The following BMI1 variants were observed in gnomAD, a reference collection of about 807,000 sequenced individuals.
BMI1 encodes the protein BMI1 proto-oncogene, polycomb ring finger.
A neutral mutation model predicts 39.1 loss-of-function variants in BMI1; 9 were observed. That is an observed-to-expected ratio of 0.23 (90% CI 0.14 to 0.40). BMI1 has a LOEUF of 0.40. Among genes scored for constraint, BMI1 ranks in the 10% least tolerant of loss-of-function variants. The probability of loss-of-function intolerance (pLI) is 1.00; values close to 1 mark genes in which losing one functional copy is unlikely to be tolerated. For missense variants in BMI1, 252 were observed against 390.8 expected (o/e 0.64, Z 2.99); for synonymous variants, 131 against 127.9 (o/e 1.02, Z -0.16).
chr10:22,323,608 G>C (rs1217626664), intron 1 of BMI1, among the ~76,000 whole-genome samples: 1 of 152,226 alleles, frequency 6.6e-6, no homozygotes, highest in Non-Finnish European at 1.5e-5. Flanking sequence ...GCATTTCTTA[G>C]ATTGCAGTAG....
chr10:22,329,735 G>A lies in BMI1; in HGVS notation c.*193G>A, dbSNP rs1836243238. ...TGGACGTTAATTGAAAAGAAAGATT[G>A]TTGTTATAAAGAATTGGTTTCTTGG... On this transcript the variant is annotated 3_prime_UTR_variant, in exon 10 of 10. Transcript: ENST00000376663. 9.0e-6 allele frequency: 6 copies of A among 663,612 alleles called. No individual in the cohort carries two copies. The highest frequency in any genetic ancestry group is 4.3e-4 in the Middle Eastern group (1 of 2,346). 41.1% of individuals were successfully genotyped at this position (663,612 alleles called of 1,614,324 possible).
chr10:22,323,740 C>T (rs1227219910), intron 1 of BMI1, among the ~76,000 whole-genome samples: 1 of 152,196 alleles, frequency 6.6e-6, no homozygotes, highest in Non-Finnish European at 1.5e-5. Context: ...CAAGTTTTAA[C>T]GGTTGAGTAT....
intron 1 of BMI1, 95 bp from the exon 2 acceptor site, chr10:22,326,327 AGTGTTAAAT>A: frequency 6.8e-7 from 1 of 1,473,578 alleles, no homozygotes; most frequent in Non-Finnish European, 9.1e-7. Context: ...CCAGCTGTAC[AGTGTTAAAT>A]GAGTTTTATA....
In BMI1 at chr10:22,330,083, C is replaced by T. The variant is rs1367477212; in HGVS notation, c.*541C>T. 1 of 153,266 alleles carries T rather than the reference C, an allele frequency of 6.5e-6. No homozygotes were observed. The highest frequency in any genetic ancestry group is 1.5e-5 in the Non-Finnish European group (1 of 68,532). The allele number at this position is 153,266 out of a possible 1,614,324, so 9.5% of individuals were successfully genotyped here. On this transcript the variant is annotated 3_prime_UTR_variant, in exon 10 of 10. Coordinates refer to ENST00000376663, the MANE Select transcript of BMI1 (RefSeq NM_005180.9). ...TTTGATTCCTGTTTGATTTATACTTCTCTGTTGCTACGCAAAACCGATCAA... is the reference window on the plus strand; with the variant it reads ...TTTGATTCCTGTTTGATTTATACTTTTCTGTTGCTACGCAAAACCGATCAA...
Position 22,329,797 on chromosome 10 carries a change from T to C in BMI1, c.*255T>C, listed in dbSNP as rs1252880440. 5 of 456,038 alleles carry C rather than the reference T, an allele frequency of 1.1e-5. No individual in the cohort carries two copies. In the East Asian group the frequency reaches 2.0e-4, roughly 18 times the overall value. 28.2% of individuals were successfully genotyped at this position (456,038 alleles called of 1,614,324 possible). A position where few individuals can be genotyped will look rare whatever the true frequency, so the allele number is the denominator to read the frequency against. ...GACTTTTTCTCTGTGTTAGGAAAGA[T>C]GGGAAATGGTTTCTGTAACCATTGT... On this transcript the variant is annotated 3_prime_UTR_variant, in exon 10 of 10. Coordinates refer to ENST00000376663, the MANE Select transcript of BMI1 (RefSeq NM_005180.9).
In BMI1 at chr10:22,329,774, C is replaced by CT. The variant is rs912778379; in HGVS notation, c.*237dup. On this transcript the variant is annotated 3_prime_UTR_variant, in exon 10 of 10. Coordinates refer to ENST00000376663, the MANE Select transcript of BMI1 (RefSeq NM_005180.9). Reference sequence around the variant, plus strand: ...TTGGTTTCTTGGAAAGCAGGCAAGACTTTTTCTCTGTGTTAGGAAAGATGG... The same window carrying CT: ...TTGGTTTCTTGGAAAGCAGGCAAGACTTTTTTCTCTGTGTTAGGAAAGATGG... 8 of 536,798 alleles carry CT rather than the reference C, an allele frequency of 1.5e-5. No homozygotes were observed. The highest frequency in any genetic ancestry group is 2.6e-5 in the Non-Finnish European group (8 of 312,440). 33.3% of individuals were successfully genotyped at this position (536,798 alleles called of 1,614,324 possible).
At chr10:22,321,962 C>T (rs1052468067) in intron 1 of BMI1, 1 of 145,118 alleles carries the variant, frequency 6.9e-6, no homozygotes, top group Non-Finnish European at 1.5e-5. Flanking sequence ...ACCCGCAGCC[C>T]GCGCCGCGCC....
intron 1 of BMI1, among the ~76,000 whole-genome samples, chr10:22,325,210 GA>G (rs1251579558): frequency 6.6e-6 from 1 of 152,184 alleles, no homozygotes; most frequent in Non-Finnish European, 1.5e-5. Context: ...ATTAGAGAAG[GA>G]AGTTTTAAAG....
chr10:22,326,300 A>G (rs1053206579), intron 1 of BMI1, 131 bp from the exon 2 acceptor site: 1 of 1,273,704 alleles, frequency 7.9e-7, no homozygotes, highest in South Asian at 1.5e-5. Context: ...TTCCTTCTGT[A>G]GAAACGTTAG....
intron 1 of BMI1, among the ~76,000 whole-genome samples, chr10:22,324,944 G>A (rs1265724739): frequency 6.6e-6 from 1 of 152,146 alleles, no homozygotes; most frequent in Non-Finnish European, 1.5e-5. Flanking sequence ...TCGTATGGGG[G>A]GTTTTACATT....
chr10:22,328,215 ATTGT>A (rs1213711041), intron 7 of BMI1, 36 bp downstream of exon 7: 8 of 1,568,750 alleles, frequency 5.1e-6, no homozygotes, highest in African/African-American at 4.1e-5. Flanking sequence ...TAGAAGAAAC[ATTGT>A]TTGGAATCCA....
intron 8 of BMI1, 55 bp downstream of exon 8, chr10:22,328,753 C>T: frequency 1.3e-6 from 2 of 1,498,318 alleles, no homozygotes; most frequent in East Asian, 2.4e-5. Context: ...ATTTTAATTA[C>T]ATTTTTCACT....
At chr10:22,327,458 T>C in intron 3 of BMI1, 137 bp from the exon 4 acceptor site, 2 of 884,804 alleles carry the variant, frequency 2.3e-6, no homozygotes, top group Non-Finnish European at 3.3e-6. Context: ...TCATAGTTTT[T>C]ATCTTATCAA....
Position 22,326,979 on chromosome 10 carries a change from A to C in BMI1, c.202A>C (p.Asn68His), listed in dbSNP as rs1203399014. 5.6e-6 allele frequency: 9 copies of C among 1,613,538 alleles called. No homozygotes were observed. Residue 68 changes from asparagine to histidine, a missense_variant, in exon 3 of 10, where the codon AAT (asparagine) becomes CAT (histidine). Coordinates refer to ENST00000376663, the MANE Select transcript of BMI1 (RefSeq NM_005180.9). Reference sequence around the variant, plus strand: ...AGTTCACAAGACCAGACCACTACTGAATATAAGGTAGGAAACTGTTGAAAT... The same window carrying C: ...AGTTCACAAGACCAGACCACTACTGCATATAAGGTAGGAAACTGTTGAAAT... ...VQVHKTRPLL[N>H]IRSDKTLQDI...
Position 22,326,482 on chromosome 10 carries a change from G to A in BMI1, c.33G>A (p.Glu11=), listed in dbSNP as rs764236302. Residue 11 remains glutamate (E), a synonymous_variant, in exon 2 of 10, where the codon GAG becomes GAA. Transcript: ENST00000376663. MHRTTRIKIT[E]LNPHLMCVLC... is the part of the protein sequence containing the mutation. The stretch of plus-strand genomic sequence containing the variant: ...GAACAACGAGAATCAAGATCACTGA[G>A]CTAAATCCCCACCTGATGTGTGTGC... 1.9e-6 allele frequency: 3 copies of A among 1,613,992 alleles called. No homozygotes were observed. The highest frequency in any genetic ancestry group is 2.5e-6 in the Non-Finnish European group (3 of 1,180,022).
chr10:22,326,583 T>G, intron 2 of BMI1, 22 bp downstream of exon 2: 1 of 1,608,662 alleles, frequency 6.2e-7, no homozygotes, highest in Non-Finnish European at 8.5e-7. Flanking sequence ...GCTTTAGCTC[T>G]CTTTTGTATC....
chr10:22,325,806 G>T (rs1836133370), intron 1 of BMI1: 1 of 151,970 alleles, frequency 6.6e-6, no homozygotes, highest in Non-Finnish European at 1.5e-5. Flanking sequence ...CGCCGGATCC[G>T]CCCCTCGCAT....
Position 22,328,010 on chromosome 10 carries a change from C to T in BMI1, c.377C>T (p.Thr126Ile). The T allele has an allele frequency of 6.2e-7, 1 of 1,611,200 alleles. No individual in the cohort carries two copies. Among genetic ancestry groups the T allele is most frequent in the African/African-American group, 1.3e-5 (1 of 74,892 alleles). ...EVADEDKRII[T>I]DDEIISLSIE... ...GCAGATGAAGATAAGAGAATTATAA[C>T]TGATGATGAGATAATAAGCTTATCC... The change falls in exon 6 of 10, where the codon ACT (threonine) becomes ATT (isoleucine). Residue 126 changes from threonine to isoleucine, a missense_variant. Physicochemically the swap from Thr to Ile is moderately conservative, Grantham distance 89. This residue lies in a region of BMI1 where 67 missense variants were observed against 69.9 expected (regional missense o/e 0.96). Coordinates refer to ENST00000376663, the MANE Select transcript of BMI1 (RefSeq NM_005180.9).
intron 8 of BMI1, 113 bp downstream of exon 8, chr10:22,328,811 T>C: frequency 8.6e-7 from 1 of 1,166,572 alleles, no homozygotes; most frequent in Non-Finnish European, 1.2e-6. Context: ...GTGAAGTTAG[T>C]GCTAAAGTTG....
Sources: gnomAD v4.1 joint callset for allele counts (sites outside exome capture counted in the v4.1 genomes callset) on GRCh38, gnomAD v4.1.1 for gene constraint, gnomAD v4.1.1 regional missense constraint, MANE v1.5 for transcripts, NCBI Gene and HGNC (gene_info 2026-07-23, HGNC 2026-07-21) for gene names.